PDS5A: variants seen among roughly 807,000 people sequenced by gnomAD.
PDS5A encodes PDS5 cohesin associated factor A, also known as sister chromatid cohesion protein PDS5 homolog A.
PDS5A carries 42 observed loss-of-function variants against 167.1 expected under a neutral mutation model. The observed-to-expected ratio is 0.25, with a 90% CI of 0.20 to 0.33. PDS5A has a LOEUF of 0.33. PDS5A is among the 10% of genes least tolerant of loss of function. The pLI is 1.00. For missense variants in PDS5A, 1,033 were observed against 1,605.9 expected (o/e 0.64, Z 6.10); for synonymous variants, 553 against 554.6 (o/e 1.00, Z 0.04).
intron 16 of PDS5A, among the ~76,000 whole-genome samples, chr4:39,895,461 G>A (rs1052565878): frequency 2.6e-5 from 4 of 151,920 alleles, no homozygotes; most frequent in African/African-American, 9.7e-5. Flanking sequence ...CCATATAAAA[G>A]ATAAAAAACA....
intron 2 of PDS5A, among the ~76,000 whole-genome samples, chr4:39,966,638 A>T (rs912507459): frequency 1.2e-4 from 18 of 152,236 alleles, no homozygotes; most frequent in Non-Finnish European, 1.3e-4. Flanking sequence ...ATAGCAGACC[A>T]GGGTAGCTGT....
chr4:39,954,670 TAAAAAA>T (rs777287409), intron 2 of PDS5A, among the ~76,000 whole-genome samples: 34 of 48,284 alleles, frequency 7.0e-4, no homozygotes, highest in Non-Finnish European at 1.2e-3. Context: ...AAGAGATAAG[TAAAAAA>T]AAAAAAAAAA....
intron 2 of PDS5A, among the ~76,000 whole-genome samples, chr4:39,949,275 G>A (rs1278344710): frequency 1.4e-5 from 2 of 139,738 alleles, no homozygotes; most frequent in Non-Finnish European, 1.5e-5. Flanking sequence ...ACATTTTAGC[G>A]TGGATGAAAG....
Position 39,925,938 on chromosome 4 carries a change from A to G in PDS5A, c.430-5T>C. ...TGATTTAACCCAAGCTAAATTCTTA[A>G]ATAAATAAAAATAATTATTGAATTA... On this transcript the variant is annotated splice_polypyrimidine_tract_variant and splice_region_variant and intron_variant, in intron 4 of 32. Transcript: ENST00000303538. 1 of 1,019,386 alleles carries G rather than the reference A, an allele frequency of 9.8e-7. No homozygotes were observed. Among genetic ancestry groups the G allele is most frequent in the Non-Finnish European group, 1.4e-6 (1 of 717,824 alleles). The allele number at this position is 1,019,386 out of a possible 1,614,324, so 63.1% of individuals were successfully genotyped here.
chr4:39,917,664 T>A (rs1724515569), intron 7 of PDS5A, among the ~76,000 whole-genome samples: 1 of 151,972 alleles, frequency 6.6e-6, no homozygotes, highest in Admixed American at 6.6e-5. Flanking sequence ...AACTTCCACC[T>A]CCGAGGTTCA....
At chr4:39,962,839 G>A (rs767957633) in intron 2 of PDS5A, among the ~76,000 whole-genome samples, 2 of 152,122 alleles carry the variant, frequency 1.3e-5, no homozygotes, top group African/African-American at 4.8e-5. Context: ...GCACATGCCT[G>A]TAGTCCCAGC....
intron 2 of PDS5A, among the ~76,000 whole-genome samples, chr4:39,941,145 C>G (rs1252266910): frequency 1.3e-5 from 2 of 152,166 alleles, no homozygotes; most frequent in Non-Finnish European, 2.9e-5. Context: ...TTACATTTTA[C>G]TTGCTTATTC....
At chr4:39,864,432 C>T (rs1719253798) in intron 23 of PDS5A, among the ~76,000 whole-genome samples, 1 of 152,098 alleles carries the variant, frequency 6.6e-6, no homozygotes, top group Non-Finnish European at 1.5e-5. Flanking sequence ...CTTGGCACTC[C>T]CACCCCGACA....
chr4:39,932,277 T>C (rs142377381), intron 2 of PDS5A, among the ~76,000 whole-genome samples: 7 of 152,280 alleles, frequency 4.6e-5, no homozygotes, highest in South Asian at 2.1e-4. Flanking sequence ...GAGATTGCAA[T>C]GCCCCTATGG....
At chr4:39,865,036 T>C (rs578004906) in intron 23 of PDS5A, among the ~76,000 whole-genome samples, 1 of 152,282 alleles carries the variant, frequency 6.6e-6, no homozygotes, top group East Asian at 1.9e-4. Context: ...AGGATCTAGA[T>C]GCAAAATGCC....
chr4:39,834,996 A>G (rs2109476356), intron 32 of PDS5A, among the ~76,000 whole-genome samples: 1 of 152,288 alleles, frequency 6.6e-6, no homozygotes, highest in South Asian at 2.1e-4. Context: ...TTTGAGATGG[A>G]GTCTCACTCT....
intron 2 of PDS5A, among the ~76,000 whole-genome samples, chr4:39,957,786 C>CAAAAAAA (rs34253629): frequency 3.4e-5 from 3 of 87,794 alleles, no homozygotes; most frequent in African/African-American, 8.9e-5. Context: ...GACTCCATCT[C>CAAAAAAA]AAAAAAAAAA....
intron 26 of PDS5A, among the ~76,000 whole-genome samples, chr4:39,861,681 T>C (rs1424165309): frequency 6.6e-6 from 1 of 152,178 alleles, no homozygotes; most frequent in African/African-American, 2.4e-5. Flanking sequence ...GCAGCTCCAA[T>C]TGCCTGGGAT....
intron 2 of PDS5A, among the ~76,000 whole-genome samples, chr4:39,934,597 T>C (rs912565855): frequency 1.4e-5 from 2 of 143,678 alleles, no homozygotes; most frequent in Non-Finnish European, 3.1e-5. Context: ...ATTGCGGTCT[T>C]AGTATTTCTT....
intron 31 of PDS5A, among the ~76,000 whole-genome samples, chr4:39,839,879 A>G (rs1468408349): frequency 6.6e-6 from 1 of 151,950 alleles, no homozygotes; most frequent in South Asian, 2.1e-4. Flanking sequence ...GCGAATCACG[A>G]GGTCAGGAGT....
At chr4:39,848,792 T>C (rs1717863947) in intron 28 of PDS5A, 59 bp downstream of exon 28, 1 of 1,416,142 alleles carries the variant, frequency 7.1e-7, no homozygotes, top group Non-Finnish European at 9.8e-7. Context: ...CAATGGTTGA[T>C]GGTAATTGAC....
chr4:39,940,252 C>T (rs1249217056), intron 2 of PDS5A, among the ~76,000 whole-genome samples: 1 of 151,884 alleles, frequency 6.6e-6, no homozygotes, highest in African/African-American at 2.4e-5. Context: ...AAAAAAAGAA[C>T]CTATTATTTT....
intron 12 of PDS5A, among the ~76,000 whole-genome samples, chr4:39,903,177 G>A (rs1226072292): frequency 1.3e-5 from 2 of 152,180 alleles, no homozygotes; most frequent in Non-Finnish European, 2.9e-5. Flanking sequence ...TTACAGTTCA[G>A]CCCATTTTCC....
chr4:39,847,848 G>GTATGGGT (rs1439557925), intron 28 of PDS5A: 1 of 152,190 alleles, frequency 6.6e-6, no homozygotes, highest in Non-Finnish European at 1.5e-5. Context: ...CTGCAGACTG[G>GTATGGGT]TATGGGTTAT....
Sources: gnomAD v4.1 joint callset for allele counts (sites outside exome capture counted in the v4.1 genomes callset) on GRCh38, gnomAD v4.1.1 for gene constraint, MANE v1.5 for transcripts, NCBI Gene and HGNC (gene_info 2026-07-23, HGNC 2026-07-21) for gene names.